RPS6KC1: variants seen among roughly 807,000 people sequenced by gnomAD.
RPS6KC1 encodes ribosomal protein S6 kinase C1, also known as inactive ribosomal protein S6 kinase delta-1.
RPS6KC1 carries 54 observed loss-of-function variants against 103.8 expected under a neutral mutation model. That is an observed-to-expected ratio of 0.52 (90% CI 0.42 to 0.65). The LOEUF (loss-of-function observed/expected upper bound fraction) is 0.65. RPS6KC1 is among the 30% of genes least tolerant of loss of function. RPS6KC1 has a pLI of 0.00. For missense variants in RPS6KC1, 1,151 were observed against 1,253.8 expected, an observed-to-expected ratio of 0.92 and a Z score of 1.24; for synonymous variants, 439 against 438.7, an observed-to-expected ratio of 1.00 and a Z score of -0.01.
At chr1:213,435,340 G>A in the RPS6KC1 span, among the ~76,000 whole-genome samples, 1 of 152,040 alleles carries the variant, frequency 6.6e-6, no homozygotes, top group Admixed American at 6.5e-5. Context: ...TTCTGGTTCT[G>A]CTTTGAATAA....
chr1:213,433,913 C>T, the RPS6KC1 span, among the ~76,000 whole-genome samples: 1 of 152,178 alleles, frequency 6.6e-6, no homozygotes, highest in East Asian at 1.9e-4. Flanking sequence ...TTTTCCTTCT[C>T]TGAAGACTGT....
Position 213,242,156 on chromosome 1 carries a change from G to C in RPS6KC1, c.2680G>C (p.Ala894Pro). The change falls in exon 11 of 15, where the codon GCA (alanine) becomes CCA (proline). Residue 894 changes from alanine (A) to proline (P), a missense_variant. Around this residue, in one of 3 missense-constraint regions of RPS6KC1, gnomAD observed 189 missense variants for 228.8 expected, o/e 0.83. Coordinates refer to ENST00000366960, the MANE Select transcript of RPS6KC1 (RefSeq NM_012424.6). ...QIFEDLDKKL[A>P]LASRFYIPEG... ...TTTTGAGGACCTTGATAAAAAATTA[G>C]CACTAGCCTCCAGGTTTTACATCCC... 1 of 1,613,876 alleles carries C rather than the reference G, an allele frequency of 6.2e-7. No individual in the cohort carries two copies. Among genetic ancestry groups the C allele is most frequent in the Non-Finnish European group, 8.5e-7 (1 of 1,179,882 alleles).
the RPS6KC1 span, among the ~76,000 whole-genome samples, chr1:213,688,870 C>G: frequency 6.6e-6 from 1 of 152,184 alleles, no homozygotes; most frequent in Non-Finnish European, 1.5e-5. Context: ...GTAAGCCTTC[C>G]CAGTCTGTTA....
the RPS6KC1 span, among the ~76,000 whole-genome samples, chr1:213,687,221 G>A: frequency 6.6e-6 from 1 of 152,180 alleles, no homozygotes; most frequent in Non-Finnish European, 1.5e-5. Context: ...GCAGGTCTCA[G>A]CCTCATTTCA....
the RPS6KC1 span, among the ~76,000 whole-genome samples, chr1:213,593,684 C>G: frequency 6.6e-6 from 1 of 151,758 alleles, no homozygotes; most frequent in Non-Finnish European, 1.5e-5. Context: ...GGGAAAGATA[C>G]GAGCGAAGGT....
chr1:213,452,993 A>T, the RPS6KC1 span, among the ~76,000 whole-genome samples: 1 of 152,130 alleles, frequency 6.6e-6, no homozygotes, highest in South Asian at 2.1e-4. Context: ...CCCTGCTAAC[A>T]TGCTGGTGTG....
the RPS6KC1 span, among the ~76,000 whole-genome samples, chr1:213,479,988 C>A: frequency 6.6e-6 from 1 of 151,942 alleles, no homozygotes; most frequent in Non-Finnish European, 1.5e-5. Flanking sequence ...CTGCCAATAA[C>A]ATACTGCCTT....
At chr1:213,686,773 G>A in the RPS6KC1 span, among the ~76,000 whole-genome samples, 1 of 152,178 alleles carries the variant, frequency 6.6e-6, no homozygotes, top group East Asian at 1.9e-4. Flanking sequence ...AGGAAGTAAA[G>A]GAATACAAGA....
the RPS6KC1 span, among the ~76,000 whole-genome samples, chr1:213,313,486 T>A: frequency 6.6e-6 from 1 of 152,186 alleles, no homozygotes; most frequent in Admixed American, 6.5e-5. Flanking sequence ...ATTGTTTATA[T>A]CCCTTTTTTG....
rs185348172 is a variant in RPS6KC1, at chr1:213,122,388, A to G, written c.472+4978A>G. ...AAGTTTGAAAAAAATCTGTATCGAA[A>G]TACCATTTATTTTGTCTTATTATTT... is the stretch of plus-strand genomic sequence containing the variant. On this transcript the variant is annotated intron_variant, in intron 5 of 14. Coordinates refer to ENST00000366960, the MANE Select transcript of RPS6KC1 (RefSeq NM_012424.6). 5.7e-3 allele frequency among the ~76,000 whole-genome samples: 871 copies of G among 152,236 alleles called. 11 individuals are homozygous for G. The highest frequency in any genetic ancestry group is 0.018 in the African/African-American group (728 of 41,576).
At chr1:213,055,816 A>G (rs145557617) in intron 1 of RPS6KC1, among the ~76,000 whole-genome samples, 1 of 152,366 alleles carries the variant, frequency 6.6e-6, no homozygotes, top group East Asian at 1.9e-4. Flanking sequence ...TGATCCATGA[A>G]CATAATATAT....
intron 12 of RPS6KC1, among the ~76,000 whole-genome samples, chr1:213,252,920 A>G (rs2094570269): frequency 6.6e-6 from 1 of 152,152 alleles, no homozygotes; most frequent in African/African-American, 2.4e-5. Flanking sequence ...AGTATTACAT[A>G]AACACTTTAT....
intron 4 of RPS6KC1, among the ~76,000 whole-genome samples, chr1:213,108,810 A>C (rs2082732793): frequency 6.6e-6 from 1 of 151,774 alleles, no homozygotes; most frequent in African/African-American, 2.4e-5. Context: ...CACCACACCC[A>C]GCTTATTTTT....
chr1:213,451,195 T>G, the RPS6KC1 span, among the ~76,000 whole-genome samples: 1 of 152,356 alleles, frequency 6.6e-6, no homozygotes, highest in African/African-American at 2.4e-5. Flanking sequence ...TTTCTACATT[T>G]CTCACTAATT....
At chr1:213,677,967 C>G in the RPS6KC1 span, among the ~76,000 whole-genome samples, 19 of 151,398 alleles carry the variant, frequency 1.3e-4, no homozygotes, top group Admixed American at 3.9e-4. Flanking sequence ...GATTATGCCA[C>G]TGCACTCCAG....
At position 213,122,804 on chromosome 1, in the gene RPS6KC1, C is replaced by T. The variant is rs535929657; in HGVS notation, c.472+5394C>T. ...TATTTACCCAACTTATTTTTATTCCCTGCCCCCAGTTGAATTTTCCTTGGT... is the reference window on the plus strand; with the variant it reads ...TATTTACCCAACTTATTTTTATTCCTTGCCCCCAGTTGAATTTTCCTTGGT... On this transcript the variant is annotated intron_variant, in intron 5 of 14. Coordinates refer to ENST00000366960, the MANE Select transcript of RPS6KC1 (RefSeq NM_012424.6). Among the ~76,000 whole-genome samples the T allele has an allele frequency of 2.0e-5, 3 of 152,144 alleles. No homozygotes were observed. The South Asian group carries it at 6.2e-4, about 32-fold the overall frequency.
chr1:213,128,079 G>T (rs2085191105), intron 5 of RPS6KC1, among the ~76,000 whole-genome samples: 1 of 152,156 alleles, frequency 6.6e-6, no homozygotes, highest in African/African-American at 2.4e-5. Flanking sequence ...ATAATTATTT[G>T]AAAAGGCTAA....
At chr1:213,282,702 AAATT>A in the RPS6KC1 span, among the ~76,000 whole-genome samples, 1 of 152,226 alleles carries the variant, frequency 6.6e-6, no homozygotes, top group Non-Finnish European at 1.5e-5. Context: ...GGAGCTTTTA[AAATT>A]AATTAGCACA....
the RPS6KC1 span, among the ~76,000 whole-genome samples, chr1:213,656,907 C>CT: frequency 3.3e-5 from 5 of 152,250 alleles, no homozygotes; most frequent in Admixed American, 1.3e-4. Context: ...CCTTACATTA[C>CT]TTTTTTGGGA....
Sources: gnomAD v4.1 joint callset for allele counts (sites outside exome capture counted in the v4.1 genomes callset) on GRCh38, gnomAD v4.1.1 for gene constraint, gnomAD v4.1.1 regional missense constraint, MANE v1.5 for transcripts, NCBI Gene and HGNC (gene_info 2026-07-23, HGNC 2026-07-21) for gene names.